SLC4A11: variants seen among roughly 807,000 people sequenced by gnomAD.
SLC4A11 encodes solute carrier family 4 member 11, also known as bicarbonate transporter related protein 1.
A neutral mutation model predicts 95.0 loss-of-function variants in SLC4A11; 74 were observed. The ratio of observed to expected loss-of-function variants is 0.78; its 90% CI spans 0.65 to 0.95. The LOEUF is 0.95. SLC4A11 is among the 40% of genes least tolerant of loss of function. SLC4A11 has a pLI of 0.00. For missense variants in SLC4A11, 1,081 were observed against 1,192.4 expected (o/e 0.91, Z 1.38); for synonymous variants, 548 against 519.0 (o/e 1.06, Z -0.76).
rs569773746 is a variant in SLC4A11 at position 3,235,151 on chromosome 20, G to A, written c.89-257C>T. Among the ~76,000 whole-genome samples, 7 of 152,320 alleles carry A rather than the reference G, an allele frequency of 4.6e-5. No individual in the cohort carries two copies. In the East Asian group the frequency reaches 9.6e-4, roughly 21 times the overall value. ...CCCTGCGCAGCTTTGACCCTTCAGC[G>A]TGAGAAAAACATGTCCACTCCAGAC... is the stretch of plus-strand genomic sequence containing the variant. On this transcript the variant is annotated intron_variant, in intron 2 of 19. Transcript: ENST00000642402.
In SLC4A11 at chr20:3,228,994, G is replaced by C; in HGVS notation, c.2036C>G (p.Ala679Gly). Residue 679 changes from alanine (A) to glycine (G), a missense_variant, in exon 17 of 20, where the codon GCC becomes GGC. Ala to Gly is a moderately conservative substitution (Grantham distance 60, BLOSUM62 0). Around this residue, in one of 3 missense-constraint regions of SLC4A11, gnomAD observed 767 missense variants for 858.0 expected, o/e 0.89. Coordinates refer to ENST00000642402, the MANE Select transcript of SLC4A11 (RefSeq NM_001174089.2). ...APENRLVKGT[A>G]YHWDLLLLAI... Reference sequence around the variant, plus strand: ...GAGGAGCAGGAGGTCCCAGTGGTAGGCAGTGCCCTTCACCAGCCTGCAGCA... The same window carrying C: ...GAGGAGCAGGAGGTCCCAGTGGTAGCCAGTGCCCTTCACCAGCCTGCAGCA... 3 of 1,613,532 alleles carry C rather than the reference G, an allele frequency of 1.9e-6. No homozygotes were observed. The highest frequency in any genetic ancestry group is 2.5e-6 in the Non-Finnish European group (3 of 1,179,992).
In SLC4A11 at chr20:3,238,539, C is replaced by CGGTG. The variant is rs921060232; in HGVS notation, c.43+555_43+556insCACC. The stretch of plus-strand genomic sequence containing the variant: ...GGCGGCCCACGTGCAGGTAAAGGGT[C>CGGTG]GTACAAACCTGGGTCCTGGCGGGGA... On this transcript the variant is annotated intron_variant, in intron 1 of 19. Transcript: ENST00000642402. The CGGTG allele has an allele frequency of 2.5e-5, 25 of 993,402 alleles. No homozygotes were observed. The African/African-American group carries it at 4.4e-4, about 17-fold the overall frequency. 61.5% of individuals were successfully genotyped at this position (993,402 alleles called of 1,614,324 possible). A position where few individuals can be genotyped will look rare whatever the true frequency, so the allele number is the denominator to read the frequency against.
In SLC4A11 at chr20:3,231,270, G is replaced by A. The variant is rs768874593; in HGVS notation, c.949-28C>T. ...GGAGGAGAGGACAGAGCGCCTGTTAGCCCTGTCCGGCCCATGCCCCCGCCG... is the reference window on the plus strand; with the variant it reads ...GGAGGAGAGGACAGAGCGCCTGTTAACCCTGTCCGGCCCATGCCCCCGCCG... On this transcript the variant is annotated intron_variant, in intron 8 of 19. Coordinates refer to ENST00000642402, the MANE Select transcript of SLC4A11 (RefSeq NM_001174089.2). This position sits in a 1 kb window ranked among gnomAD's most constrained non-coding sequence, Gnocchi z 5.2. 6.2e-7 allele frequency: 1 copy of A among 1,613,476 alleles called. No individual in the cohort carries two copies. The highest frequency in any genetic ancestry group is 8.5e-7 in the Non-Finnish European group (1 of 1,179,904).
At position 3,234,152 on chromosome 20, in the gene SLC4A11, G is replaced by A; in HGVS notation, c.454C>T (p.Pro152Ser). Residue 152 changes from proline to serine, a missense_variant, in exon 5 of 20, where the codon CCC (proline) becomes TCC (serine). By Grantham distance (74) the Pro-to-Ser change is moderately conservative. Coordinates refer to ENST00000642402, the MANE Select transcript of SLC4A11 (RefSeq NM_001174089.2). This position sits in a 1 kb window ranked among gnomAD's most constrained non-coding sequence, Gnocchi z 5.8. ...RFARDPDNNE[P>S]NCNLDLLMAM... ...ATGAGCAGGTCCAGGTTGCAGTTGG[G>A]CTCATTGTTGTCAGGGTCCCTGGCG... The A allele has an allele frequency of 6.2e-7, 1 of 1,614,116 alleles. No individual in the cohort carries two copies. Among genetic ancestry groups the A allele is most frequent in the Non-Finnish European group, 8.5e-7 (1 of 1,180,012 alleles).
chr20:3,238,445 G>A (rs1263249778), intron 1 of SLC4A11: 6 of 1,031,244 alleles, frequency 5.8e-6, no homozygotes, highest in Admixed American at 5.2e-5. Context: ...GGGGCGCTGG[G>A]GCGCGTCCCA....
rs142955110 is a variant in SLC4A11, at chr20:3,229,589, C to A, written c.1677G>T (p.Val559=). 3.0e-5 allele frequency: 49 copies of A among 1,612,566 alleles called. No individual in the cohort carries two copies. The highest frequency in any genetic ancestry group is 4.0e-5 in the African/African-American group (3 of 74,900). Residue 559 remains valine (V), a synonymous_variant, in exon 14 of 20, where the codon GTG becomes GTT. Coordinates refer to ENST00000642402, the MANE Select transcript of SLC4A11 (RefSeq NM_001174089.2). The part of the protein sequence containing the change: ...SATHSGQATA[V]LSLLIMLGTL... ...TGCCCAGCATGATGAGGAGGCTGAGCACGGCGGTCGCCTGGCCTGAGTGTG... is the reference window on the plus strand; with the variant it reads ...TGCCCAGCATGATGAGGAGGCTGAGAACGGCGGTCGCCTGGCCTGAGTGTG...
intron 12 of SLC4A11, 29 bp downstream of exon 12, chr20:3,230,486 T>C (rs1400361994): frequency 4.3e-6 from 7 of 1,613,330 alleles, no homozygotes; most frequent in East Asian, 4.5e-5. Context: ...GCCTTGAGGG[T>C]CCCAGCAGCT....
rs528222178 is a variant in SLC4A11, at chr20:3,237,219, A to G, written c.88+325T>C. Among the ~76,000 whole-genome samples, 5 of 152,334 alleles carry G rather than the reference A, an allele frequency of 3.3e-5. No homozygotes were observed. The South Asian group carries it at 1.0e-3, about 32-fold the overall frequency. ...CAGATATTCCCTCCAGGGCTGGGTG[A>G]GGACAGAGGGACAGGGGCACACAGA... On this transcript the variant is annotated intron_variant, in intron 2 of 19. Transcript: ENST00000642402.
chr20:3,231,572 C>A lies in SLC4A11; in HGVS notation c.730-24G>T. The A allele has an allele frequency of 1.9e-6, 3 of 1,602,506 alleles. No individual in the cohort carries two copies. The highest frequency in any genetic ancestry group is 2.6e-6 in the Non-Finnish European group (3 of 1,174,526). ...TTCTAGGGGTGGAGGATGGGAGTCACCCCTAGAAACAGAGGAGGCCCTGCC... is the reference window on the plus strand; with the variant it reads ...TTCTAGGGGTGGAGGATGGGAGTCAACCCTAGAAACAGAGGAGGCCCTGCC... On this transcript the variant is annotated intron_variant, in intron 7 of 19. Coordinates refer to ENST00000642402, the MANE Select transcript of SLC4A11 (RefSeq NM_001174089.2). The surrounding 1 kb of genome is among the most constrained non-coding windows in gnomAD (Gnocchi z 5.2).
chr20:3,231,552 G>C lies in SLC4A11; in HGVS notation c.730-4C>G, dbSNP rs2122561723. On this transcript the variant is annotated splice_region_variant and splice_polypyrimidine_tract_variant and intron_variant, in intron 7 of 19. Coordinates refer to ENST00000642402, the MANE Select transcript of SLC4A11 (RefSeq NM_001174089.2). The surrounding 1 kb of genome is among the most constrained non-coding windows in gnomAD (Gnocchi z 5.2). ...CCATCGCAGTCTTAGTGCTTTTCTA[G>C]GGGTGGAGGATGGGAGTCACCCCTA... The C allele has an allele frequency of 6.2e-7, 1 of 1,610,278 alleles. No individual in the cohort carries two copies. Among genetic ancestry groups the C allele is most frequent in the Non-Finnish European group, 8.5e-7 (1 of 1,179,066 alleles).
At position 3,230,967 on chromosome 20, in the gene SLC4A11, C is replaced by T. The variant is rs1013983764; in HGVS notation, c.1134G>A (p.Gly378=). The T allele has an allele frequency of 3.7e-6, 6 of 1,613,240 alleles. No individual in the cohort carries two copies. The highest frequency in any genetic ancestry group is 5.1e-6 in the Non-Finnish European group (6 of 1,179,832). The part of the protein sequence containing the change: ...FACLLPTIAF[G]SLNDENTDGA... ...CGTCTGTGTTCTCGTCATTGAGAGACCCGAAAGCGATGGTGGGCAGGAGGC... is the reference window on the plus strand; with the variant it reads ...CGTCTGTGTTCTCGTCATTGAGAGATCCGAAAGCGATGGTGGGCAGGAGGC... Residue 378 remains glycine (G), a synonymous_variant, in exon 10 of 20, where the codon GGG becomes GGA. Transcript: ENST00000642402.
chr20:3,239,446 G>A (rs1568550511), upstream of SLC4A11: 5 of 1,046,176 alleles, frequency 4.8e-6, no homozygotes, highest in South Asian at 4.6e-5. Context: ...TGTGCGCGCC[G>A]GACCCAGCAG....
Position 3,229,065 on chromosome 20 carries a change from G to A in SLC4A11, c.2018+30C>T, listed in dbSNP as rs373826171. 931 of 225,546 alleles carry A rather than the reference G, an allele frequency of 4.1e-3. 3 individuals are homozygous for A. Among genetic ancestry groups the A allele is most frequent in the African/African-American group, 0.032 (785 of 24,764 alleles). The allele number at this position is 225,546 out of a possible 1,614,324, so 14.0% of individuals were successfully genotyped here. ...GCCCCACAGCAGAGGCCCGGGCCCC[G>A]CCCACCCCACCCTCACCCACCCTCC... On this transcript the variant is annotated intron_variant, in intron 16 of 19. Transcript: ENST00000642402.
At chr20:3,238,194 C>T in intron 1 of SLC4A11, 2 of 1,426,344 alleles carry the variant, frequency 1.4e-6, no homozygotes, top group South Asian at 3.1e-5. Context: ...AAAGGGAGAA[C>T]AATTGGGGGT....
At chr20:3,239,214 G>A (rs1034914688), upstream of SLC4A11, 52 of 1,324,140 alleles carry the variant, frequency 3.9e-5, no homozygotes, top group African/African-American at 6.2e-4. Flanking sequence ...GGCGACTCGG[G>A]CGGGCCGGCG....
At chr20:3,236,755 A>C (rs1454538917) in intron 2 of SLC4A11, among the ~76,000 whole-genome samples, 2 of 151,856 alleles carry the variant, frequency 1.3e-5, no homozygotes, top group African/African-American at 4.8e-5. Flanking sequence ...AGCACCCACT[A>C]GTCCCCTCCA....
In SLC4A11 at chr20:3,231,685, T is replaced by C. The variant is rs1027940105; in HGVS notation, c.730-137A>G. On this transcript the variant is annotated intron_variant, in intron 7 of 19. Transcript: ENST00000642402. The surrounding 1 kb of genome is among the most constrained non-coding windows in gnomAD (Gnocchi z 5.2). ...TTTTGTGTTTTTTTGAGACAGGGTC[T>C]CACTGTCACCCAGGCTGAGTGCAGT... 7 of 777,150 alleles carry C rather than the reference T, an allele frequency of 9.0e-6. No individual in the cohort carries two copies. Among genetic ancestry groups the C allele is most frequent in the Admixed American group, 2.1e-5 (1 of 46,596 alleles). 48.1% of individuals were successfully genotyped at this position (777,150 alleles called of 1,614,324 possible). A position where few individuals can be genotyped will look rare whatever the true frequency, so the allele number is the denominator to read the frequency against.
intron 11 of SLC4A11, 32 bp from the exon 12 acceptor site, chr20:3,230,679 C>T (rs201351250): frequency 2.6e-5 from 42 of 1,612,914 alleles, no homozygotes; most frequent in African/African-American, 9.3e-5. Flanking sequence ...GGTCAGGGCC[C>T]GGCAGGAACC....
rs748778995 is a variant in SLC4A11 at position 3,234,272 on chromosome 20, G to A, written c.334C>T (p.Arg112Cys). 6.8e-6 allele frequency: 11 copies of A among 1,613,990 alleles called. No homozygotes were observed. The highest frequency in any genetic ancestry group is 1.7e-5 in the Admixed American group (1 of 60,020). ...TGCGCCAGGAAGCCATCTAGGTCGCGGTGCGCACGGATCTCTTCCTTGAAG... is the reference window on the plus strand; with the variant it reads ...TGCGCCAGGAAGCCATCTAGGTCGCAGTGCGCACGGATCTCTTCCTTGAAG... ...KNFKEEIRAH[R>C]DLDGFLAQAS... The change falls in exon 5 of 20, where the codon CGC (arginine) becomes TGC (cysteine). Residue 112 changes from arginine to cysteine, a missense_variant. This residue lies in a region of SLC4A11 where 310 missense variants were observed against 313.5 expected (regional missense o/e 0.99). Coordinates refer to ENST00000642402, the MANE Select transcript of SLC4A11 (RefSeq NM_001174089.2). This position sits in a 1 kb window ranked among gnomAD's most constrained non-coding sequence, Gnocchi z 5.8.
Sources: allele counts gnomAD v4.1 joint callset (sites outside exome capture counted in the v4.1 genomes callset), GRCh38; gene constraint gnomAD v4.1.1; regional missense constraint gnomAD v4.1.1; non-coding constraint Gnocchi (gnomAD v3.1); transcripts MANE v1.5; gene names NCBI Gene and HGNC (gene_info 2026-07-23, HGNC 2026-07-21).